The following HMG20A variants were observed in gnomAD, a reference collection of about 807,000 sequenced individuals.
HMG20A encodes high mobility group 20A.
Under a neutral mutation model 43.9 loss-of-function variants are expected in HMG20A, and 17 were observed. The observed-to-expected ratio is 0.39, with a 90% CI of 0.27 to 0.58. HMG20A has a LOEUF of 0.58. HMG20A is among the 20% of genes least tolerant of loss of function. The pLI is 0.59. For synonymous variants in HMG20A, 132 were observed against 147.5 expected (o/e 0.89, Z 0.76); for missense variants, 341 against 438.2 (o/e 0.78, Z 1.98).
downstream of HMG20A, among the ~76,000 whole-genome samples, chr15:77,487,767 G>T (rs2072953266): frequency 1.3e-5 from 2 of 152,186 alleles, no homozygotes; most frequent in South Asian, 2.1e-4. Context: ...CCTTGCAACT[G>T]AGAGTTCCAA....
At chr15:77,437,890 T>C (rs547133063) in intron 1 of HMG20A, among the ~76,000 whole-genome samples, 1 of 152,030 alleles carries the variant, frequency 6.6e-6, no homozygotes, top group African/African-American at 2.4e-5. Context: ...TGAAACTCTT[T>C]AAAAGTAAAG....
intron 9 of HMG20A, chr15:77,482,188 C>A (rs2072910876): frequency 6.6e-6 from 1 of 151,996 alleles, no homozygotes; most frequent in African/African-American, 2.4e-5. Context: ...AAGGGGAAAG[C>A]ACTAAAAAAT....
At chr15:77,442,818 A>C (rs1280359624) in intron 1 of HMG20A, among the ~76,000 whole-genome samples, 1 of 152,132 alleles carries the variant, frequency 6.6e-6, no homozygotes, top group African/African-American at 2.4e-5. Context: ...AGGGAATTTT[A>C]GCTCTACGTG....
chr15:77,512,132 A>T, the HMG20A span, among the ~76,000 whole-genome samples: 1 of 152,230 alleles, frequency 6.6e-6, no homozygotes, highest in Admixed American at 6.5e-5. Flanking sequence ...ACTTGAAGAC[A>T]TTATGTTATG....
intron 1 of HMG20A, among the ~76,000 whole-genome samples, chr15:77,439,389 T>C (rs2073586193): frequency 1.3e-5 from 2 of 152,208 alleles, no homozygotes; most frequent in African/African-American, 4.8e-5. Context: ...GGCTCTTCAG[T>C]CATTACCTTC....
At chr15:77,471,509 T>C (rs183769752) in intron 5 of HMG20A, among the ~76,000 whole-genome samples, 1 of 152,348 alleles carries the variant, frequency 6.6e-6, no homozygotes, top group African/African-American at 2.4e-5. Flanking sequence ...AAGTAGTCTT[T>C]GGTTTGTGTC....
At chr15:77,487,885 A>G (rs1013223529), downstream of HMG20A, among the ~76,000 whole-genome samples, 3 of 152,222 alleles carry the variant, frequency 2.0e-5, no homozygotes, top group Non-Finnish European at 2.9e-5. Flanking sequence ...ATGCCAGCCC[A>G]TTAAAGAAAT....
Position 77,464,247 on chromosome 15 carries a change from C to T in HMG20A, c.97C>T (p.His33Tyr). The change falls in exon 3 of 10, where the codon CAC (histidine) becomes TAC (tyrosine). Residue 33 changes from histidine to tyrosine, a missense_variant. Physicochemically the swap from His to Tyr is moderately conservative, Grantham distance 83. Coordinates refer to ENST00000336216, the MANE Select transcript of HMG20A (RefSeq NM_001304504.2). Reference sequence around the variant, plus strand: ...CTTCTGCCTATTATTCAGGTTAAATCACCCAGAGGTTCCATACAGTAGTGG... The same window carrying T: ...CTTCTGCCTATTATTCAGGTTAAATTACCCAGAGGTTCCATACAGTAGTGG... ...SNDLATTGLNHPEVPYSSGAT... is the reference protein window; with the variant it reads ...SNDLATTGLNYPEVPYSSGAT... 6.2e-7 allele frequency: 1 copy of T among 1,613,508 alleles called. No individual in the cohort carries two copies. Among genetic ancestry groups the T allele is most frequent in the African/African-American group, 1.3e-5 (1 of 74,996 alleles).
At chr15:77,507,208 C>T in the HMG20A span, among the ~76,000 whole-genome samples, 3 of 152,218 alleles carry the variant, frequency 2.0e-5, no homozygotes, top group African/African-American at 2.4e-5. Context: ...CCCCATAATC[C>T]TGTGAGCCAA....
chr15:77,473,237 A>G (rs1321536252), intron 6 of HMG20A, among the ~76,000 whole-genome samples: 1 of 152,228 alleles, frequency 6.6e-6, no homozygotes, highest in East Asian at 1.9e-4. Flanking sequence ...ATGACATTCT[A>G]TGCTCTAATT....
At chr15:77,503,012 C>A in the HMG20A span, among the ~76,000 whole-genome samples, 1 of 152,248 alleles carries the variant, frequency 6.6e-6, no homozygotes, top group South Asian at 2.1e-4. Flanking sequence ...TGTTGATGTA[C>A]TCCTTTCTGA....
the HMG20A span, among the ~76,000 whole-genome samples, chr15:77,514,296 TCCA>T: frequency 6.6e-6 from 1 of 152,070 alleles, no homozygotes; most frequent in Non-Finnish European, 1.5e-5. Flanking sequence ...AGCAAAATAA[TCCA>T]GGCACAAAAG....
chr15:77,459,281 AG>A (rs1452350912), intron 2 of HMG20A, among the ~76,000 whole-genome samples: 2 of 152,206 alleles, frequency 1.3e-5, no homozygotes, highest in African/African-American at 4.8e-5. Context: ...ACTTTTCTAA[AG>A]GCTGCTTAGT....
At chr15:77,422,508 C>G (rs1185956382) in intron 1 of HMG20A, among the ~76,000 whole-genome samples, 1 of 152,066 alleles carries the variant, frequency 6.6e-6, no homozygotes. Context: ...CCCAGCTACT[C>G]AGGAGGCTGA....
chr15:77,422,086 T>C (rs1262303041), intron 1 of HMG20A, among the ~76,000 whole-genome samples: 1 of 152,232 alleles, frequency 6.6e-6, no homozygotes, highest in Non-Finnish European at 1.5e-5. Context: ...TAATTTTGAT[T>C]CCTTGGTTCT....
At chr15:77,508,044 C>T in the HMG20A span, among the ~76,000 whole-genome samples, 3,027 of 152,306 alleles carry the variant, frequency 0.02, 46 homozygotes, top group Non-Finnish European at 0.031. Flanking sequence ...GCCCTACGCA[C>T]ACAGTCTCCA....
At chr15:77,442,593 A>T (rs1037343379) in intron 1 of HMG20A, among the ~76,000 whole-genome samples, 1 of 152,238 alleles carries the variant, frequency 6.6e-6, no homozygotes. Flanking sequence ...CCTGCTAGAC[A>T]TGCGTACTCT....
the HMG20A span, among the ~76,000 whole-genome samples, chr15:77,511,247 G>A: frequency 6.6e-6 from 1 of 152,232 alleles, no homozygotes; most frequent in East Asian, 1.9e-4. Context: ...TTTAATGTAT[G>A]GATCTAGAAA....
At chr15:77,443,149 C>T (rs1307360871) in intron 1 of HMG20A, among the ~76,000 whole-genome samples, 1 of 149,836 alleles carries the variant, frequency 6.7e-6, no homozygotes, top group Admixed American at 6.7e-5. Context: ...TCTCCTTCCT[C>T]AGCCTCCAGA....
Sources: gnomAD v4.1 joint callset for allele counts (sites outside exome capture counted in the v4.1 genomes callset) on GRCh38, gnomAD v4.1.1 for gene constraint, MANE v1.5 for transcripts, NCBI Gene and HGNC (gene_info 2026-07-23, HGNC 2026-07-21) for gene names.